ENTHD1: variants seen among roughly 807,000 people sequenced by gnomAD.
ENTHD1 encodes ENTH domain containing 1.
Under a neutral mutation model 39.1 loss-of-function variants are expected in ENTHD1, and 23 were observed. That is an observed-to-expected ratio of 0.59 (90% confidence interval 0.42 to 0.83). The LOEUF is 0.83. Ranked by LOEUF, ENTHD1 falls within the 40% of genes least tolerant of loss-of-function variation. The pLI is 0.00. For missense variants in ENTHD1, 624 were observed against 705.4 expected (o/e 0.88, Z 1.31); for synonymous variants, 230 against 258.2 (o/e 0.89, Z 1.05).
rs188641850 is a variant in ENTHD1, at chr22:39,879,944, G to A, written c.349+7456C>T. Among the ~76,000 whole-genome samples the A allele has an allele frequency of 2.0e-3, 308 of 152,332 alleles. 2 individuals carry two copies. Among genetic ancestry groups the A allele is most frequent in the Middle Eastern group, 0.014 (4 of 294 alleles). On this transcript the variant is annotated intron_variant, in intron 2 of 6. Transcript: ENST00000325157. ...CTACTATTAAGTGCTAAAAGGAAAT[G>A]AGGCTGGGCGCAATGGCTCATGCCT...
chr22:39,746,836 T>C (rs1246284513), intron 6 of ENTHD1, among the ~76,000 whole-genome samples: 2 of 152,206 alleles, frequency 1.3e-5, no homozygotes, highest in African/African-American at 2.4e-5. Flanking sequence ...CTTGTAACTC[T>C]ACCTAGCATC....
intron 5 of ENTHD1, among the ~76,000 whole-genome samples, chr22:39,810,473 C>T (rs1184024100): frequency 6.6e-6 from 1 of 152,168 alleles, no homozygotes; most frequent in African/African-American, 2.4e-5. Context: ...GCTTCCACCA[C>T]CCATGGAGTT....
chr22:39,749,417 CTTA>C (rs2065131392), intron 6 of ENTHD1, among the ~76,000 whole-genome samples: 1 of 152,310 alleles, frequency 6.6e-6, no homozygotes, highest in African/African-American at 2.4e-5. Flanking sequence ...TTAACTTTAA[CTTA>C]TTATACTCAT....
chr22:39,883,613 AT>A (rs1267666837), intron 2 of ENTHD1, among the ~76,000 whole-genome samples: 1 of 152,048 alleles, frequency 6.6e-6, no homozygotes, highest in Non-Finnish European at 1.5e-5. Flanking sequence ...AAGTGAAACT[AT>A]TTGTATATGA....
At chr22:39,810,931 T>C (rs1167744525) in intron 5 of ENTHD1, among the ~76,000 whole-genome samples, 2 of 152,190 alleles carry the variant, frequency 1.3e-5, no homozygotes, top group African/African-American at 4.8e-5. Flanking sequence ...TGTCCTTCAA[T>C]AGAGGCAAGA....
intron 5 of ENTHD1, among the ~76,000 whole-genome samples, chr22:39,777,605 G>C (rs1256279658): frequency 6.6e-6 from 1 of 152,020 alleles, no homozygotes; most frequent in Non-Finnish European, 1.5e-5. Flanking sequence ...TACAGATCTG[G>C]ACACATGTAA....
intron 5 of ENTHD1, among the ~76,000 whole-genome samples, chr22:39,816,733 C>T (rs2065736530): frequency 6.6e-6 from 1 of 151,780 alleles, no homozygotes; most frequent in Admixed American, 6.6e-5. Flanking sequence ...ATAAGAAAAG[C>T]CACCTTAAAA....
intron 1 of ENTHD1, among the ~76,000 whole-genome samples, chr22:39,888,264 T>C (rs554962922): frequency 0.067 from 8,867 of 131,824 alleles, 341 homozygotes; most frequent in Non-Finnish European, 0.11. Flanking sequence ...TTCTTTCTTT[T>C]TTTTTTTTTT....
At chr22:39,857,245 C>T (rs2066099092) in intron 3 of ENTHD1, among the ~76,000 whole-genome samples, 1 of 151,706 alleles carries the variant, frequency 6.6e-6, no homozygotes, top group South Asian at 2.1e-4. Context: ...GAGTTCGAGA[C>T]CACCCTGACC....
chr22:39,837,690 T>A (rs1054964609), intron 3 of ENTHD1, among the ~76,000 whole-genome samples: 5 of 152,232 alleles, frequency 3.3e-5, no homozygotes, highest in Admixed American at 3.3e-4. Context: ...TTTTGTTTAA[T>A]GTCCTTGTGT....
chr22:39,769,079 TACAC>T (rs1160655817), intron 5 of ENTHD1, among the ~76,000 whole-genome samples: 1 of 152,004 alleles, frequency 6.6e-6, no homozygotes, highest in Non-Finnish European at 1.5e-5. Context: ...TGTACATATA[TACAC>T]ACACAAACTT....
intron 3 of ENTHD1, among the ~76,000 whole-genome samples, chr22:39,859,593 C>T (rs1038266938): frequency 2.6e-5 from 4 of 152,000 alleles, no homozygotes; most frequent in African/African-American, 7.3e-5. Flanking sequence ...AGAGAGAGAT[C>T]GGGATCAGTG....
intron 2 of ENTHD1, among the ~76,000 whole-genome samples, chr22:39,878,591 C>A (rs2066309983): frequency 6.6e-6 from 1 of 150,718 alleles, no homozygotes; most frequent in African/African-American, 2.4e-5. Context: ...TCTCAGAAAC[C>A]AAAACTAAGA....
chr22:39,820,646 G>A (rs1187769120), intron 5 of ENTHD1, among the ~76,000 whole-genome samples: 2 of 152,044 alleles, frequency 1.3e-5, no homozygotes, highest in Non-Finnish European at 2.9e-5. Context: ...GTGCATCTTA[G>A]CTCTTCACAT....
At chr22:39,883,025 GAAAGA>G (rs1363250598) in intron 2 of ENTHD1, among the ~76,000 whole-genome samples, 2 of 129,660 alleles carry the variant, frequency 1.5e-5, no homozygotes, top group Non-Finnish European at 3.3e-5. Flanking sequence ...AAAAAAAAAA[GAAAGA>G]AAGAAAAGAA....
intron 5 of ENTHD1, among the ~76,000 whole-genome samples, chr22:39,819,538 A>C (rs1300049198): frequency 2.6e-5 from 4 of 152,090 alleles, no homozygotes; most frequent in Admixed American, 6.5e-5. Context: ...GTTCTGGAAA[A>C]GGAAAAACTA....
At chr22:39,857,888 A>G (rs528689440) in intron 3 of ENTHD1, among the ~76,000 whole-genome samples, 1 of 152,350 alleles carries the variant, frequency 6.6e-6, no homozygotes, top group East Asian at 1.9e-4. Flanking sequence ...CTGAGCCTTC[A>G]GCGAGTCTTC....
chr22:39,781,911 A>G (rs2146586564), intron 5 of ENTHD1, among the ~76,000 whole-genome samples: 1 of 152,326 alleles, frequency 6.6e-6, no homozygotes, highest in Middle Eastern at 3.4e-3. Context: ...AAAACCCAGA[A>G]GAAATGGATA....
At chr22:39,802,150 G>C (rs894282896) in intron 5 of ENTHD1, among the ~76,000 whole-genome samples, 1 of 152,102 alleles carries the variant, frequency 6.6e-6, no homozygotes, top group Non-Finnish European at 1.5e-5. Flanking sequence ...GGGTGAAAAA[G>C]GTGTGATACC....
Sources: gnomAD v4.1 joint callset for allele counts (sites outside exome capture counted in the v4.1 genomes callset) on GRCh38, gnomAD v4.1.1 for gene constraint, MANE v1.5 for transcripts, NCBI Gene and HGNC (gene_info 2026-07-23, HGNC 2026-07-21) for gene names.